Variants in ALDH3B2 observed in about 807,000 individuals in gnomAD.
ALDH3B2 encodes the protein aldehyde dehydrogenase 3 family member B2.
Under a neutral mutation model 36.7 loss-of-function variants are expected in ALDH3B2, and 45 were observed. The observed-to-expected ratio is 1.23, with a 90% CI of 0.97 to 1.57. The LOEUF (loss-of-function observed/expected upper bound fraction) is 1.57, where lower values mean the gene tolerates loss of function less well. Among genes scored for constraint, ALDH3B2 ranks in the 40% most tolerant of loss-of-function variants. The pLI, the probability that ALDH3B2 is intolerant of heterozygous loss-of-function variation, is 0.00. For missense variants in ALDH3B2, 464 were observed against 513.3 expected (o/e 0.90, Z 0.93); for synonymous variants, 217 against 226.5 (o/e 0.96, Z 0.38).
chr11:67,675,451 T>G (rs1320220203), upstream of ALDH3B2, among the ~76,000 whole-genome samples: 4 of 152,234 alleles, frequency 2.6e-5, no homozygotes, highest in African/African-American at 9.6e-5. Flanking sequence ...GTCCTGCCAC[T>G]GTCCTTCATG....
At chr11:67,667,042 G>T in intron 2 of ALDH3B2, 26 bp from the exon 3 acceptor site, 1 of 1,442,340 alleles carries the variant, frequency 6.9e-7, no homozygotes, top group Non-Finnish European at 9.7e-7. Context: ...AATTCAGAGT[G>T]GTCAGGCCCA....
chr11:67,670,688 A>T (rs1856082884), intron 1 of ALDH3B2, among the ~76,000 whole-genome samples: 1 of 152,148 alleles, frequency 6.6e-6, no homozygotes, highest in Non-Finnish European at 1.5e-5. Flanking sequence ...CAGCTGAAGA[A>T]TGTGAGGAGA....
At position 67,667,472 on chromosome 11, in the gene ALDH3B2, C is replaced by G. The variant is rs1855953092; in HGVS notation, c.-82+1G>C. On this transcript the variant is annotated splice_donor_variant, in intron 2 of 9. Coordinates refer to ENST00000349015, the Ensembl canonical transcript of ALDH3B2. LOFTEE classifies it low-confidence loss of function (5UTR_SPLICE). Reference sequence around the variant, plus strand: ...GCCGGGGCCCACTCTCCACGGCCCACCTTATGCAGGTCCTGGGCCAGCACG... The same window carrying G: ...GCCGGGGCCCACTCTCCACGGCCCAGCTTATGCAGGTCCTGGGCCAGCACG... The G allele has an allele frequency of 7.9e-6, 3 of 380,278 alleles. No individual in the cohort carries two copies. The highest frequency in any genetic ancestry group is 7.5e-4 in the Middle Eastern group (1 of 1,332). 23.6% of individuals were successfully genotyped at this position (380,278 alleles called of 1,614,324 possible). A position where few individuals can be genotyped will look rare whatever the true frequency, so the allele number is the denominator to read the frequency against.
intron 1 of ALDH3B2, among the ~76,000 whole-genome samples, chr11:67,672,085 A>ATATG (rs1196101213): frequency 0.012 from 610 of 52,598 alleles, 63 homozygotes; most frequent in African/African-American, 0.02. Context: ...ATATATATAT[A>ATATG]TATGTATGTA....
intron 1 of ALDH3B2, among the ~76,000 whole-genome samples, chr11:67,668,676 CTG>C (rs1855990056): frequency 6.7e-6 from 1 of 148,350 alleles, no homozygotes; most frequent in Non-Finnish European, 1.5e-5. Context: ...GTATGGGTGT[CTG>C]TGTGTGTCTG....
At chr11:67,678,652 C>T (rs1476277179), upstream of ALDH3B2, among the ~76,000 whole-genome samples, 2 of 146,678 alleles carry the variant, frequency 1.4e-5, no homozygotes, top group African/African-American at 5.1e-5. Context: ...TATATATATA[C>T]ACTATGATAT....
exon 3 of ALDH3B2, chr11:67,666,941 C>T (rs777455441): frequency 2.3e-5 from 37 of 1,614,026 alleles, no homozygotes; most frequent in Non-Finnish European, 3.1e-5. Flanking sequence ...TTCATCCAGG[C>T]CTGCAGGTTC....
In ALDH3B2 at chr11:67,663,695, TG is replaced by T; in HGVS notation, c.939del (p.Tyr313Ter). 5.6e-6 allele frequency: 9 copies of T among 1,612,804 alleles called. No homozygotes were observed. The highest frequency in any genetic ancestry group is 7.6e-6 in the Non-Finnish European group (9 of 1,179,000). The stretch of plus-strand genomic sequence containing the variant: ...CCGAATGGCACGGACAGCAGAGATA[TG>T]TAGGTGAAGCCCTCATTGCCTCCAA... On this transcript the variant is annotated frameshift_variant, in exon 9 of 10. Coordinates refer to ENST00000349015, the Ensembl canonical transcript of ALDH3B2. LOFTEE classifies it low-confidence loss of function (END_TRUNC).
chr11:67,664,316 G>A, intron 8 of ALDH3B2, 80 bp downstream of exon 8: 3 of 1,595,916 alleles, frequency 1.9e-6, no homozygotes, highest in Non-Finnish European at 2.6e-6. Flanking sequence ...AAGCCTTGCT[G>A]GGAAGGGCTG....
At chr11:67,663,499 C>T in intron 9 of ALDH3B2, 100 bp from the exon 10 acceptor site, 2 of 1,455,546 alleles carry the variant, frequency 1.4e-6, no homozygotes, top group South Asian at 2.5e-5. Context: ...GCAGGGAGCT[C>T]AGAGAGAGCC....
chr11:67,672,592 C>CT (rs111601602), intron 1 of ALDH3B2, among the ~76,000 whole-genome samples: 506 of 145,300 alleles, frequency 3.5e-3, no homozygotes, highest in Middle Eastern at 0.011. Flanking sequence ...GCAAAATTAA[C>CT]TTTTTTTTTT....
intron 1 of ALDH3B2, among the ~76,000 whole-genome samples, chr11:67,668,703 C>T (rs1855990647): frequency 1.4e-5 from 2 of 140,032 alleles, no homozygotes; most frequent in Non-Finnish European, 3.1e-5. Context: ...TGTATGGGTA[C>T]TGTGTGTCTT....
intron 7 of ALDH3B2, 21 bp from the exon 8 acceptor site, chr11:67,664,583 T>G (rs779913862): frequency 3.7e-6 from 6 of 1,611,430 alleles, no homozygotes; most frequent in Non-Finnish European, 5.1e-6. Context: ...CAGAGACGGC[T>G]CAGCCCTGGG....
exon 10 of ALDH3B2, chr11:67,662,698 T>G (rs1591139646): frequency 5.8e-6 from 1 of 173,316 alleles, no homozygotes; most frequent in South Asian, 1.3e-4. Context: ...GAGTGCAGGG[T>G]GCGGTGTGAA....
chr11:67,671,989 C>T (rs1856127337), intron 1 of ALDH3B2, among the ~76,000 whole-genome samples: 1 of 146,256 alleles, frequency 6.8e-6, no homozygotes, highest in Non-Finnish European at 1.5e-5. Context: ...AACCCTCACC[C>T]CCACCCCCTG....
exon 6 of ALDH3B2, chr11:67,666,157 A>G: frequency 1.2e-6 from 2 of 1,614,134 alleles, no homozygotes; most frequent in Non-Finnish European, 1.7e-6. Context: ...GTGCTCTAGC[A>G]GCTGCCCTGT....
chr11:67,675,245 G>A (rs77017016), upstream of ALDH3B2, among the ~76,000 whole-genome samples: 4 of 152,268 alleles, frequency 2.6e-5, no homozygotes, highest in East Asian at 7.7e-4. Context: ...GTTACTTAAC[G>A]TCTCTGAGCC....
At chr11:67,666,961 T>C in exon 3 of ALDH3B2, 2 of 1,613,996 alleles carry the variant, frequency 1.2e-6, no homozygotes, top group Non-Finnish European at 1.7e-6. Context: ...CTTGAGAGCG[T>C]AGTCAACCTC....
chr11:67,668,983 G>A (rs1325390340), intron 1 of ALDH3B2, among the ~76,000 whole-genome samples: 1 of 151,024 alleles, frequency 6.6e-6, no homozygotes, highest in African/African-American at 2.4e-5. Flanking sequence ...CTCTTTGTGT[G>A]TATGGGTGTC....
Sources: gnomAD v4.1 joint callset for allele counts (sites outside exome capture counted in the v4.1 genomes callset) on GRCh38, gnomAD v4.1.1 for gene constraint, MANE v1.5 for transcripts, NCBI Gene and HGNC (gene_info 2026-07-23, HGNC 2026-07-21) for gene names.